Variants in DPP10 observed in about 807,000 individuals in gnomAD.
DPP10 encodes dipeptidyl peptidase like 10.
DPP10 carries 33 observed loss-of-function variants against 120.9 expected under a neutral mutation model. The ratio of observed to expected loss-of-function variants is 0.27; its 90% confidence interval spans 0.21 to 0.37. DPP10 has a LOEUF of 0.37. Among genes scored for constraint, DPP10 ranks in the 10% least tolerant of loss-of-function variants. The pLI, the probability that DPP10 is intolerant of heterozygous loss-of-function variation, is 1.00. For synonymous variants in DPP10, 337 were observed against 326.1 expected (o/e 1.03, Z -0.36); for missense variants, 816 against 942.8 (o/e 0.87, Z 1.76).
At chr2:115,303,412 C>T (rs2061228204) in intron 1 of DPP10, among the ~76,000 whole-genome samples, 1 of 151,728 alleles carries the variant, frequency 6.6e-6, no homozygotes, top group South Asian at 2.1e-4. Context: ...AAGAAATGCA[C>T]ATTTTGTGGA....
chr2:115,442,122 T>G (rs1016097153), intron 3 of DPP10, among the ~76,000 whole-genome samples: 1 of 152,214 alleles, frequency 6.6e-6, no homozygotes, highest in African/African-American at 2.4e-5. Context: ...GACAAGTTTT[T>G]TTTTTAAATT....
intron 3 of DPP10, among the ~76,000 whole-genome samples, chr2:115,381,300 A>T (rs1487456580): frequency 1.3e-5 from 2 of 151,714 alleles, no homozygotes; most frequent in Non-Finnish European, 2.9e-5. Context: ...CATTTCATTC[A>T]TTTCATCTTC....
At chr2:115,135,977 A>AT (rs2050631794) in intron 1 of DPP10, among the ~76,000 whole-genome samples, 1 of 152,142 alleles carries the variant, frequency 6.6e-6, no homozygotes, top group African/African-American at 2.4e-5. Context: ...TCCTATTGTC[A>AT]TTTAGAATCT....
intron 1 of DPP10, among the ~76,000 whole-genome samples, chr2:115,102,689 G>A (rs1446570275): frequency 1.3e-5 from 2 of 151,844 alleles, no homozygotes; most frequent in African/African-American, 4.8e-5. Flanking sequence ...GATTAGAGGC[G>A]TGAGCCACCA....
At chr2:115,794,909 T>C (rs146939301) in intron 19 of DPP10, among the ~76,000 whole-genome samples, 29 of 152,304 alleles carry the variant, frequency 1.9e-4, no homozygotes, top group African/African-American at 7.0e-4. Context: ...ACATTGCTTT[T>C]ACATATGAGA....
At position 115,403,381 on chromosome 2, in the gene DPP10, CTTTTTTTTTTTT is replaced by C. The variant is rs78116780; in HGVS notation, c.271+59494_271+59505del. On this transcript the variant is annotated intron_variant, in intron 3 of 25. Coordinates refer to ENST00000410059, the MANE Select transcript of DPP10 (RefSeq NM_020868.6). ...TACTTCTCTCTTTCTTTCTTTCCTT[CTTTTTTTTTTTT>C]TTTTTTTTTTTTTTTTTTTTTTTTG... 1.1e-4 allele frequency among the ~76,000 whole-genome samples: 13 copies of C among 118,450 alleles called. No homozygotes were observed. In the South Asian group the frequency reaches 3.5e-3, roughly 32 times the overall value. The allele number at this position is 118,450 out of a possible 152,430, so 77.7% of individuals were successfully genotyped here.
intron 3 of DPP10, among the ~76,000 whole-genome samples, chr2:115,398,696 A>G (rs761076346): frequency 6.6e-6 from 1 of 152,124 alleles, no homozygotes; most frequent in Non-Finnish European, 1.5e-5. Flanking sequence ...TTAAAGGAAC[A>G]TATGCAATAG....
chr2:115,460,931 T>A (rs559059311), intron 3 of DPP10, among the ~76,000 whole-genome samples: 1 of 152,220 alleles, frequency 6.6e-6, no homozygotes. Flanking sequence ...TCTTTCATAA[T>A]GAGTCAGAGA....
At chr2:115,684,350 G>C (rs540490963) in intron 5 of DPP10, among the ~76,000 whole-genome samples, 3 of 151,636 alleles carry the variant, frequency 2.0e-5, no homozygotes, top group Non-Finnish European at 4.4e-5. Context: ...CTTTTGAAAC[G>C]ACAAAGTCAC....
chr2:114,770,613 C>T (rs941493005), intron 1 of DPP10, among the ~76,000 whole-genome samples: 1 of 152,110 alleles, frequency 6.6e-6, no homozygotes, highest in Non-Finnish European at 1.5e-5. Flanking sequence ...AGCAAATAAA[C>T]ACTAAAGGAA....
At chr2:115,093,141 C>A (rs1338308628) in intron 1 of DPP10, among the ~76,000 whole-genome samples, 1 of 152,112 alleles carries the variant, frequency 6.6e-6, no homozygotes, top group African/African-American at 2.4e-5. Context: ...AGATCCCTCA[C>A]TTGGAGATGT....
chr2:115,044,134 G>C (rs1704879452), intron 1 of DPP10, among the ~76,000 whole-genome samples: 1 of 152,042 alleles, frequency 6.6e-6, no homozygotes, highest in African/African-American at 2.4e-5. Flanking sequence ...TCCTCACACT[G>C]CTATAAACAA....
chr2:115,384,445 G>GGAA (rs1453263699), intron 3 of DPP10, among the ~76,000 whole-genome samples: 1 of 123,336 alleles, frequency 8.1e-6, no homozygotes, highest in African/African-American at 2.9e-5. Context: ...AAGAAGAGGA[G>GGAA]GAAGAAGAAG....
At chr2:115,152,831 T>C (rs185904321) in intron 1 of DPP10, among the ~76,000 whole-genome samples, 1 of 152,322 alleles carries the variant, frequency 6.6e-6, no homozygotes, top group Admixed American at 6.5e-5. Context: ...GATTTTATAC[T>C]GCTTTCGAGC....
intron 1 of DPP10, among the ~76,000 whole-genome samples, chr2:114,880,730 C>G (rs543176959): frequency 6.6e-6 from 1 of 151,954 alleles, no homozygotes; most frequent in Admixed American, 6.6e-5. Flanking sequence ...GTTTTTCAAA[C>G]GGATTCAAAA....
At chr2:115,478,907 A>T (rs2075257964) in intron 3 of DPP10, among the ~76,000 whole-genome samples, 1 of 152,184 alleles carries the variant, frequency 6.6e-6, no homozygotes, top group South Asian at 2.1e-4. Flanking sequence ...AATAGAAAAT[A>T]TTTGGTGATG....
chr2:115,384,200 A>T (rs1458169447), intron 3 of DPP10, among the ~76,000 whole-genome samples: 2 of 152,104 alleles, frequency 1.3e-5, no homozygotes, highest in Admixed American at 1.3e-4. Context: ...CCTCTTATGC[A>T]AGGTGAGGCA....
chr2:115,033,296 C>A (rs150722777), intron 1 of DPP10, among the ~76,000 whole-genome samples: 2 of 152,090 alleles, frequency 1.3e-5, no homozygotes, highest in Non-Finnish European at 2.9e-5. Flanking sequence ...TTATATAAAC[C>A]GAGCCTCTCA....
chr2:115,018,941 C>A (rs948394159), intron 1 of DPP10, among the ~76,000 whole-genome samples: 1 of 152,052 alleles, frequency 6.6e-6, no homozygotes, highest in Non-Finnish European at 1.5e-5. Context: ...AGCCCCACTT[C>A]TGCCGCTGGT....
Sources: allele counts gnomAD v4.1 joint callset (sites outside exome capture counted in the v4.1 genomes callset), GRCh38; gene constraint gnomAD v4.1.1; transcripts MANE v1.5; gene names NCBI Gene and HGNC (gene_info 2026-07-23, HGNC 2026-07-21).